Variants in HTR7 observed in about 807,000 individuals in gnomAD.
HTR7 encodes the protein 5-hydroxytryptamine receptor 7, also known as 5-HT-7.
Under a neutral mutation model 34.0 loss-of-function variants are expected in HTR7, and 16 were observed. That is an observed-to-expected ratio of 0.47 (90% CI 0.32 to 0.71). HTR7 has a LOEUF of 0.71. Among genes scored for constraint, HTR7 ranks in the 30% least tolerant of loss-of-function variants. The probability of loss-of-function intolerance (pLI) is 0.04; values close to 1 mark genes in which losing one functional copy is unlikely to be tolerated. For synonymous variants in HTR7, 265 were observed against 260.2 expected (o/e 1.02, Z -0.18); for missense variants, 504 against 625.5 (o/e 0.81, Z 2.07).
intron 1 of HTR7, among the ~76,000 whole-genome samples, chr10:90,815,186 G>C (rs1340579310): frequency 6.6e-6 from 1 of 151,656 alleles, no homozygotes; most frequent in African/African-American, 2.4e-5. Context: ...CTGCCTCTTA[G>C]GTTCAACCAA....
chr10:90,769,375 T>C (rs574670601), intron 1 of HTR7, among the ~76,000 whole-genome samples: 1 of 152,356 alleles, frequency 6.6e-6, no homozygotes, highest in African/African-American at 2.4e-5. Context: ...TTTTGATAAT[T>C]GTTAATTAAT....
chr10:90,771,273 T>C (rs754060179), intron 1 of HTR7, among the ~76,000 whole-genome samples: 5 of 152,214 alleles, frequency 3.3e-5, no homozygotes, highest in African/African-American at 4.8e-5. Context: ...AAGCTCCTCT[T>C]CGTCTTGCTC....
intron 1 of HTR7, among the ~76,000 whole-genome samples, chr10:90,803,252 G>A (rs899287529): frequency 7.2e-5 from 11 of 152,080 alleles, no homozygotes; most frequent in Non-Finnish European, 1.6e-4. Context: ...GATCAAGTGT[G>A]CCATTCGACC....
intron 1 of HTR7, among the ~76,000 whole-genome samples, chr10:90,804,389 C>T (rs925300055): frequency 1.3e-5 from 2 of 152,174 alleles, no homozygotes; most frequent in African/African-American, 4.8e-5. Context: ...ACAGCAAATA[C>T]CAAAAGAGCA....
At chr10:90,824,965 G>A (rs577200420) in intron 1 of HTR7, among the ~76,000 whole-genome samples, 38 of 152,340 alleles carry the variant, frequency 2.5e-4, no homozygotes, top group South Asian at 6.2e-4. Context: ...GCTGGCTGTA[G>A]AGCCCTAGGG....
At chr10:90,805,455 G>A (rs1451297158) in intron 1 of HTR7, among the ~76,000 whole-genome samples, 1 of 152,146 alleles carries the variant, frequency 6.6e-6, no homozygotes, top group African/African-American at 2.4e-5. Flanking sequence ...TAAACCGCTA[G>A]GAAGTTTAAC....
At chr10:90,835,793 C>T (rs1846244510) in intron 1 of HTR7, among the ~76,000 whole-genome samples, 1 of 152,084 alleles carries the variant, frequency 6.6e-6, no homozygotes, top group Non-Finnish European at 1.5e-5. Context: ...GAGAGGGACA[C>T]CTAACCCAGA....
intron 1 of HTR7, among the ~76,000 whole-genome samples, chr10:90,848,468 G>C (rs1846447292): frequency 1.3e-5 from 2 of 152,024 alleles, no homozygotes; most frequent in South Asian, 2.1e-4. Context: ...ATTTTTATTT[G>C]AATGGAATCA....
chr10:90,827,685 A>G (rs1846099415), intron 1 of HTR7, among the ~76,000 whole-genome samples: 1 of 152,224 alleles, frequency 6.6e-6, no homozygotes, highest in Non-Finnish European at 1.5e-5. Context: ...GGATATAACA[A>G]TTGTAAATAC....
intron 1 of HTR7, among the ~76,000 whole-genome samples, chr10:90,765,468 C>CA (rs760283934): frequency 2.5e-4 from 37 of 149,780 alleles, no homozygotes; most frequent in African/African-American, 3.9e-4. Context: ...TTATCTTTTC[C>CA]AAAAAAAACT....
Position 90,819,223 on chromosome 10 carries a change from A to G in HTR7, c.539+37910T>C, listed in dbSNP as rs34930550. On this transcript the variant is annotated intron_variant, in intron 1 of 3. Transcript: ENST00000336152. Reference sequence around the variant, plus strand: ...ATTGTGTTGATAGATACAAAACTCTAAAAATTCACTCAAAATAAATGACCT... The same window carrying G: ...ATTGTGTTGATAGATACAAAACTCTGAAAATTCACTCAAAATAAATGACCT... Among the ~76,000 whole-genome samples the G allele has an allele frequency of 6.1e-3, 928 of 152,350 alleles. 3 individuals carry two copies. Among genetic ancestry groups the G allele is most frequent in the Non-Finnish European group, 8.8e-3 (598 of 68,036 alleles).
At chr10:90,784,931 C>G (rs1845359467) in intron 1 of HTR7, among the ~76,000 whole-genome samples, 1 of 152,214 alleles carries the variant, frequency 6.6e-6, no homozygotes, top group African/African-American at 2.4e-5. Flanking sequence ...ATTGCACAGG[C>G]TGCTCCTCTG....
rs1844702442 is a variant in HTR7 at position 90,749,568 on chromosome 10, G to A, written c.566C>T (p.Thr189Ile). 1.9e-6 allele frequency: 3 copies of A among 1,612,308 alleles called. No individual in the cohort carries two copies. Among genetic ancestry groups the A allele is most frequent in the Non-Finnish European group, 1.7e-6 (2 of 1,178,840 alleles). ...TTTCCCATTCTGCCTCACAGGGTATGTGAGGGGCCTTGTGATCCCAAGGTA... is the reference window on the plus strand; with the variant it reads ...TTTCCCATTCTGCCTCACAGGGTATATGAGGGGCCTTGTGATCCCAAGGTA... The part of the protein sequence containing the change: ...DRYLGITRPL[T>I]YPVRQNGKCM... Residue 189 changes from threonine (T) to isoleucine (I), a missense_variant, in exon 2 of 4, where the codon ACA becomes ATA. Around this residue, in one of 4 missense-constraint regions of HTR7, gnomAD observed 154 missense variants for 248.8 expected, o/e 0.62. Coordinates refer to ENST00000336152, the MANE Select transcript of HTR7 (RefSeq NM_019859.4). This position sits in a 1 kb window ranked among gnomAD's most constrained non-coding sequence, Gnocchi z 4.2.
At chr10:90,813,006 C>T (rs1475205795) in intron 1 of HTR7, among the ~76,000 whole-genome samples, 2 of 152,182 alleles carry the variant, frequency 1.3e-5, no homozygotes, top group Non-Finnish European at 2.9e-5. Context: ...TTGTGAAATT[C>T]CTTTTCCTGG....
intron 1 of HTR7, among the ~76,000 whole-genome samples, chr10:90,830,946 G>A (rs149847153): frequency 0.012 from 1,842 of 152,320 alleles, 19 homozygotes; most frequent in Middle Eastern, 0.027. Flanking sequence ...CAGACAAGAG[G>A]TCAGTCCGGT....
chr10:90,766,628 TC>T (rs2119739928), intron 1 of HTR7, among the ~76,000 whole-genome samples: 1 of 152,360 alleles, frequency 6.6e-6, no homozygotes, highest in East Asian at 1.9e-4. Context: ...CTTGCTGTCT[TC>T]CTTTGTAACC....
At chr10:90,840,005 T>A (rs1263965357) in intron 1 of HTR7, among the ~76,000 whole-genome samples, 2 of 151,790 alleles carry the variant, frequency 1.3e-5, no homozygotes, top group Non-Finnish European at 2.9e-5. Context: ...TTTATCCACT[T>A]TTGTATCCTC....
intron 1 of HTR7, among the ~76,000 whole-genome samples, chr10:90,763,422 T>C (rs568691681): frequency 6.6e-6 from 1 of 152,242 alleles, no homozygotes; most frequent in East Asian, 1.9e-4. Context: ...TTTTATTTCT[T>C]TTTTTATAAG....
intron 1 of HTR7, among the ~76,000 whole-genome samples, chr10:90,852,168 G>T (rs1042933125): frequency 7.3e-5 from 11 of 149,926 alleles, no homozygotes; most frequent in Non-Finnish European, 1.5e-4. Flanking sequence ...AGACCAGCCT[G>T]GGCAACATAG....
Sources: gnomAD v4.1 joint callset for allele counts (sites outside exome capture counted in the v4.1 genomes callset) on GRCh38, gnomAD v4.1.1 for gene constraint, gnomAD v4.1.1 regional missense constraint, Gnocchi (gnomAD v3.1) non-coding constraint, MANE v1.5 for transcripts, NCBI Gene and HGNC (gene_info 2026-07-23, HGNC 2026-07-21) for gene names.